SORCS1: variants seen among roughly 807,000 people sequenced by gnomAD.
SORCS1 encodes the protein sortilin related VPS10 domain containing receptor 1.
SORCS1 carries 60 observed loss-of-function variants against 146.1 expected under a neutral mutation model. The observed-to-expected ratio is 0.41, with a 90% confidence interval of 0.33 to 0.51. The LOEUF (loss-of-function observed/expected upper bound fraction) is 0.51, where lower values mean the gene tolerates loss of function less well. Ranked by LOEUF, SORCS1 falls within the 20% of genes least tolerant of loss-of-function variation. The pLI, the probability that SORCS1 is intolerant of heterozygous loss-of-function variation, is 0.21. For synonymous variants in SORCS1, 637 were observed against 584.0 expected (o/e 1.09, Z -1.31); for missense variants, 1,352 against 1,487.6 (o/e 0.91, Z 1.50).
intron 3 of SORCS1, among the ~76,000 whole-genome samples, chr10:106,785,406 A>T (rs2136455531): frequency 6.6e-6 from 1 of 152,140 alleles, no homozygotes; most frequent in Middle Eastern, 3.4e-3. Flanking sequence ...TTTAGATCTC[A>T]CTGGGTTTTT....
intron 10 of SORCS1, 46 bp from the exon 11 acceptor site, chr10:106,679,780 G>T: frequency 6.9e-7 from 1 of 1,441,272 alleles, no homozygotes; most frequent in South Asian, 1.2e-5. Context: ...TAATCAAAAT[G>T]GTCATTTGAA....
At chr10:106,646,056 C>T (rs758753889) in intron 18 of SORCS1, among the ~76,000 whole-genome samples, 11 of 151,512 alleles carry the variant, frequency 7.3e-5, no homozygotes, top group Admixed American at 2.0e-4. Context: ...CTTGAGGTCA[C>T]GAGTTCAAGA....
At chr10:106,633,147 CATTAAAG>C (rs2133604195) in intron 18 of SORCS1, among the ~76,000 whole-genome samples, 1 of 152,202 alleles carries the variant, frequency 6.6e-6, no homozygotes, top group Admixed American at 6.5e-5. Context: ...AATGAGAAGC[CATTAAAG>C]TGTTTTACTT....
At chr10:106,963,672 G>A (rs980650871) in intron 1 of SORCS1, among the ~76,000 whole-genome samples, 2 of 151,372 alleles carry the variant, frequency 1.3e-5, no homozygotes, top group Non-Finnish European at 2.9e-5. Context: ...TTGAATCCTG[G>A]GGGGGGGCCA....
chr10:106,698,562 A>G (rs1853884001), intron 9 of SORCS1, among the ~76,000 whole-genome samples: 1 of 152,238 alleles, frequency 6.6e-6, no homozygotes, highest in African/African-American at 2.4e-5. Context: ...GGTATTTATC[A>G]TGAAAGCCAA....
At chr10:107,032,930 C>T (rs943212352) in intron 1 of SORCS1, among the ~76,000 whole-genome samples, 1 of 152,140 alleles carries the variant, frequency 6.6e-6, no homozygotes, top group African/African-American at 2.4e-5. Context: ...ACCTGTCCAC[C>T]CTGAAATCTG....
At chr10:106,943,515 A>G (rs1954156069) in intron 2 of SORCS1, among the ~76,000 whole-genome samples, 1 of 152,154 alleles carries the variant, frequency 6.6e-6, no homozygotes, top group Non-Finnish European at 1.5e-5. Flanking sequence ...CTGTTAAAAA[A>G]TAAATTAATA....
In SORCS1 at chr10:107,080,508, C is replaced by T. The variant is rs978475779; in HGVS notation, c.558+83461G>A. Among the ~76,000 whole-genome samples, 3 of 152,160 alleles carry T rather than the reference C, an allele frequency of 2.0e-5. No individual in the cohort carries two copies. In the South Asian group the frequency reaches 6.2e-4, roughly 32 times the overall value. ...ACCACTCACAAACTCTTCCCTGAGT[C>T]GCGTGTGGTCTGGTAACAACATATT... On this transcript the variant is annotated intron_variant, in intron 1 of 25. Coordinates refer to ENST00000263054, the MANE Select transcript of SORCS1 (RefSeq NM_052918.5).
At chr10:106,661,328 G>A (rs970084277) in intron 17 of SORCS1, among the ~76,000 whole-genome samples, 5 of 152,160 alleles carry the variant, frequency 3.3e-5, no homozygotes, top group Non-Finnish European at 5.9e-5. Flanking sequence ...TGGCATAAAG[G>A]GACAGACGTG....
chr10:106,756,378 G>A (rs1858642624), intron 5 of SORCS1, among the ~76,000 whole-genome samples: 1 of 152,038 alleles, frequency 6.6e-6, no homozygotes, highest in Non-Finnish European at 1.5e-5. Flanking sequence ...TTTTACAGGG[G>A]AAAAAACTGA....
At chr10:107,135,738 G>A (rs925981780) in intron 1 of SORCS1, among the ~76,000 whole-genome samples, 18 of 152,146 alleles carry the variant, frequency 1.2e-4, no homozygotes, top group Non-Finnish European at 4.4e-5. Flanking sequence ...ATAATGAAAC[G>A]ACATATATTA....
intron 3 of SORCS1, among the ~76,000 whole-genome samples, chr10:106,779,888 TAATTA>T (rs900289514): frequency 6.6e-6 from 1 of 152,186 alleles, no homozygotes; most frequent in Non-Finnish European, 1.5e-5. Flanking sequence ...ACCTTCAAAT[TAATTA>T]AATTATGATT....
intron 2 of SORCS1, among the ~76,000 whole-genome samples, chr10:106,889,909 A>AAAAAAAAAAAC (rs1951163731): frequency 6.6e-6 from 1 of 151,298 alleles, no homozygotes. Flanking sequence ...AAAAAAAAAA[A>AAAAAAAAAAAC]AAGCACTTCC....
chr10:106,726,802 C>G (rs570348408), intron 6 of SORCS1, among the ~76,000 whole-genome samples: 1 of 152,270 alleles, frequency 6.6e-6, no homozygotes, highest in Non-Finnish European at 1.5e-5. Context: ...AATGCAGACT[C>G]TCGGCCGGGT....
rs765355110 is a variant in SORCS1 at position 106,944,874 on chromosome 10, C to CTT, written c.626+11637_626+11638dup. ...GTAGAAAGAAGCAAGAAAGAGCCTT[C>CTT]TTTTTTTTTTTTTTTTTTTTTTTTT... On this transcript the variant is annotated intron_variant, in intron 2 of 25. Coordinates refer to ENST00000263054, the MANE Select transcript of SORCS1 (RefSeq NM_052918.5). 4.6e-3 allele frequency among the ~76,000 whole-genome samples: 169 copies of CTT among 36,606 alleles called. 25 individuals carry two copies. Among genetic ancestry groups the CTT allele is most frequent in the Middle Eastern group, 0.028 (1 of 36 alleles). 24.0% of individuals were successfully genotyped at this position (36,606 alleles called of 152,430 possible). A position where few individuals can be genotyped will look rare whatever the true frequency, so the allele number is the denominator to read the frequency against.
At chr10:107,014,253 C>CAAAAAAAAAAAAAAA (rs562179526) in intron 1 of SORCS1, among the ~76,000 whole-genome samples, 1 of 79,350 alleles carries the variant, frequency 1.3e-5, no homozygotes, top group Non-Finnish European at 2.4e-5. Flanking sequence ...GACCCTGCGT[C>CAAAAAAAAAAAAAAA]AAAAAAAAAA....
intron 1 of SORCS1, among the ~76,000 whole-genome samples, chr10:107,143,053 T>G (rs1476217916): frequency 6.6e-6 from 1 of 152,188 alleles, no homozygotes; most frequent in East Asian, 1.9e-4. Context: ...TGACAGACTG[T>G]GTGCACTGGC....
chr10:106,797,046 G>A (rs1946602316), intron 3 of SORCS1, among the ~76,000 whole-genome samples: 1 of 152,162 alleles, frequency 6.6e-6, no homozygotes, highest in Non-Finnish European at 1.5e-5. Context: ...GACGGAGGTT[G>A]CAGTAAGCCG....
chr10:106,787,659 G>T (rs781545799), intron 3 of SORCS1, among the ~76,000 whole-genome samples: 1 of 152,120 alleles, frequency 6.6e-6, no homozygotes, highest in Non-Finnish European at 1.5e-5. Flanking sequence ...TGTATGCAAA[G>T]GGAACAAAAA....
Sources: gnomAD v4.1 joint callset for allele counts (sites outside exome capture counted in the v4.1 genomes callset) on GRCh38, gnomAD v4.1.1 for gene constraint, MANE v1.5 for transcripts, NCBI Gene and HGNC (gene_info 2026-07-23, HGNC 2026-07-21) for gene names.